Variants in FGF17 observed in about 807,000 individuals in gnomAD.
FGF17 encodes the protein fibroblast growth factor 17.
Under a neutral mutation model 23.5 loss-of-function variants are expected in FGF17, and 5 were observed. The observed-to-expected ratio is 0.21, with a 90% CI of 0.11 to 0.45. The LOEUF is 0.45. Among genes scored for constraint, FGF17 ranks in the 20% least tolerant of loss-of-function variants. The pLI is 0.99. For synonymous variants in FGF17, 136 were observed against 123.0 expected (o/e 1.11, Z -0.70); for missense variants, 221 against 306.9 (o/e 0.72, Z 2.09).
At chr8:22,046,028 A>G (rs773951571) in intron 2 of FGF17, 86 bp from the exon 3 acceptor site, 4 of 1,610,356 alleles carry the variant, frequency 2.5e-6, no homozygotes, top group Non-Finnish European at 3.4e-6. Context: ...CACTATATTC[A>G]CCTCCTCACC....
intron 2 of FGF17, chr8:22,044,656 C>T: frequency 2.0e-6 from 2 of 985,060 alleles, no homozygotes; most frequent in Non-Finnish European, 1.2e-6. Context: ...TGGGCAGGTC[C>T]CCCACCCCAA....
intron 2 of FGF17, chr8:22,045,550 C>G (rs1029124114): frequency 2.0e-6 from 2 of 993,644 alleles, no homozygotes; most frequent in African/African-American, 1.7e-5. Flanking sequence ...CTCATGGGAC[C>G]CTGCAGGAGC....
intron 2 of FGF17, among the ~76,000 whole-genome samples, chr8:22,044,030 C>T (rs1344484141): frequency 6.6e-6 from 1 of 151,716 alleles, no homozygotes; most frequent in Non-Finnish European, 1.5e-5. Context: ...AGACAATTCC[C>T]CCCCCCTTCC....
chr8:22,044,375 G>A lies in FGF17; in HGVS notation c.72+1194G>A, dbSNP rs530581484. Among the ~76,000 whole-genome samples, 84 of 152,206 alleles carry A rather than the reference G, an allele frequency of 5.5e-4. 1 individual carries two copies. Among genetic ancestry groups the A allele is most frequent in the Admixed American group, 5.0e-3 (77 of 15,298 alleles). On this transcript the variant is annotated intron_variant, in intron 2 of 4. Transcript: ENST00000359441. ...GTGGAAGGGGAGGTCCTCCCGCAGC[G>A]GGAACATGAAAGGGACAGGCTAGGT...
chr8:22,044,714 G>T, intron 2 of FGF17: 2 of 985,604 alleles, frequency 2.0e-6, no homozygotes, highest in Non-Finnish European at 2.4e-6. Context: ...GCTAGGCAGA[G>T]GCTGCTCTAT....
chr8:22,044,931 G>A, intron 2 of FGF17: 1 of 985,676 alleles, frequency 1.0e-6, no homozygotes, highest in Non-Finnish European at 1.2e-6. Flanking sequence ...TGGGATAAAG[G>A]TGGAATTAGG....
upstream of FGF17, among the ~76,000 whole-genome samples, chr8:22,040,043 C>A (rs1221005484): frequency 1.3e-5 from 2 of 152,124 alleles, no homozygotes; most frequent in African/African-American, 2.4e-5. Flanking sequence ...CCCACCCCCC[C>A]AGCAATGAAT....
rs746733263 is a variant in FGF17, at chr8:22,048,020, TCCA to T, written c.423_425del (p.Phe141_Gln142delinsLeu). The T allele has an allele frequency of 6.2e-7, 1 of 1,613,232 alleles. No homozygotes were observed. The highest frequency in any genetic ancestry group is 1.3e-5 in the African/African-American group (1 of 75,036). On this transcript the variant is annotated inframe_deletion, in exon 5 of 5. Coordinates refer to ENST00000359441, the MANE Select transcript of FGF17 (RefSeq NM_003867.4). The surrounding 1 kb of genome is among the most constrained non-coding windows in gnomAD (Gnocchi z 6.9). Reference sequence around the variant, plus strand: ...GTGCTGGAGAACAACTATACGGCCTTCCAGAACGCCCGGCACGAGGGCTGGTTC... The same window carrying T: ...GTGCTGGAGAACAACTATACGGCCTTGAACGCCCGGCACGAGGGCTGGTTC...
rs1324753454 is a variant in FGF17 at position 22,046,227 on chromosome 8, T to C, written c.186T>C (p.Ser62=). The C allele has an allele frequency of 6.2e-7, 1 of 1,614,014 alleles. No individual in the cohort carries two copies. Among genetic ancestry groups the C allele is most frequent in the Admixed American group, 1.7e-5 (1 of 60,034 alleles). Residue 62 remains serine, a synonymous_variant, in exon 3 of 5, where the codon AGT becomes AGC. Transcript: ENST00000359441. The stretch of plus-strand genomic sequence containing the variant: ...AGTACCAACTCTACAGCAGGACCAG[T>C]GGCAAGCACGTGCAGGTCACCGGGC... ...IREYQLYSRT[S]GKHVQVTGRR...
upstream of FGF17, among the ~76,000 whole-genome samples, chr8:22,039,856 A>C (rs1008551495): frequency 6.6e-6 from 1 of 151,526 alleles, no homozygotes; most frequent in African/African-American, 2.4e-5. Flanking sequence ...GCTGGGCTCA[A>C]GCAGGTGGTG....
intron 2 of FGF17, chr8:22,045,755 G>A: frequency 8.4e-7 from 1 of 1,193,798 alleles, no homozygotes; most frequent in East Asian, 5.5e-5. Context: ...AGGGACAGGG[G>A]TTCTGTCCCT....
At chr8:22,043,250 A>G in intron 2 of FGF17, 69 bp downstream of exon 2, 1 of 1,492,602 alleles carries the variant, frequency 6.7e-7, no homozygotes, top group Admixed American at 1.7e-5. Context: ...GGTGCAAGGG[A>G]CCGGCTCCTT....
Position 22,048,227 on chromosome 8 carries a change from G to A in FGF17, c.629G>A (p.Arg210Gln). ...SAPTRRTKRT[R>Q]RPQPLT The stretch of plus-strand genomic sequence containing the variant: ...CCCACCCGCCGGACCAAGCGCACAC[G>A]GCGGCCCCAGCCCCTCACGTAGTCT... Residue 210 changes from arginine to glutamine, a missense_variant, in exon 5 of 5, where the codon CGG (arginine) becomes CAG (glutamine). By Grantham distance (43) the Arg-to-Gln change is conservative. This residue lies in a region of FGF17 where 128 missense variants were observed against 150.4 expected (regional missense o/e 0.85). Coordinates refer to ENST00000359441, the MANE Select transcript of FGF17 (RefSeq NM_003867.4). The surrounding 1 kb of genome is among the most constrained non-coding windows in gnomAD (Gnocchi z 6.9). The A allele has an allele frequency of 6.2e-7, 1 of 1,607,962 alleles. No homozygotes were observed. Among genetic ancestry groups the A allele is most frequent in the Non-Finnish European group, 8.5e-7 (1 of 1,177,858 alleles).
At chr8:22,044,603 G>T in intron 2 of FGF17, 3 of 834,058 alleles carry the variant, frequency 3.6e-6, no homozygotes, top group Non-Finnish European at 4.3e-6. Flanking sequence ...GCTGGGATAG[G>T]CAGGACCCCA....
At chr8:22,043,908 A>G (rs1045332003) in intron 2 of FGF17, among the ~76,000 whole-genome samples, 1 of 152,168 alleles carries the variant, frequency 6.6e-6, no homozygotes, top group African/African-American at 2.4e-5. Context: ...TTCCCAGGCC[A>G]GAGGCCCGCT....
chr8:22,045,947 G>C, intron 2 of FGF17, 167 bp from the exon 3 acceptor site: 1 of 1,528,590 alleles, frequency 6.5e-7, no homozygotes, highest in Non-Finnish European at 8.8e-7. Flanking sequence ...GGTTATGACC[G>C]GCTCACCCAG....
chr8:22,041,279 C>T (rs1800733307), upstream of FGF17, among the ~76,000 whole-genome samples: 1 of 152,202 alleles, frequency 6.6e-6, no homozygotes, highest in Non-Finnish European at 1.5e-5. Flanking sequence ...GCTGCCTGCA[C>T]TGGTCAGTGC....
upstream of FGF17, among the ~76,000 whole-genome samples, chr8:22,042,247 C>T (rs3176261): frequency 7.2e-5 from 11 of 152,334 alleles, no homozygotes; most frequent in African/African-American, 2.4e-4. Flanking sequence ...TGACCCCCAA[C>T]CTGTTGCGCC....
chr8:22,041,868 G>A (rs1443205696), upstream of FGF17, among the ~76,000 whole-genome samples: 2 of 152,224 alleles, frequency 1.3e-5, no homozygotes, highest in Non-Finnish European at 2.9e-5. Flanking sequence ...CATGGGAAGA[G>A]GCTGGTAGGC....
Sources: gnomAD v4.1 joint callset for allele counts (sites outside exome capture counted in the v4.1 genomes callset) on GRCh38, gnomAD v4.1.1 for gene constraint, gnomAD v4.1.1 regional missense constraint, Gnocchi (gnomAD v3.1) non-coding constraint, MANE v1.5 for transcripts, NCBI Gene and HGNC (gene_info 2026-07-23, HGNC 2026-07-21) for gene names.